The following IL1R1 variants were observed in gnomAD, a reference collection of about 807,000 sequenced individuals.
IL1R1 encodes interleukin 1 receptor type 1.
In IL1R1, 22 loss-of-function variants were observed where a neutral mutation model predicts 50.2. The ratio of observed to expected loss-of-function variants is 0.44; its 90% confidence interval spans 0.31 to 0.63. IL1R1 has a LOEUF of 0.63. Among genes scored for constraint, IL1R1 ranks in the 20% least tolerant of loss-of-function variants. IL1R1 has a pLI of 0.07. For missense variants in IL1R1, 509 were observed against 676.2 expected (o/e 0.75, Z 2.74); for synonymous variants, 251 against 236.7 (o/e 1.06, Z -0.55).
intron 9 of IL1R1, 36 bp from the exon 10 acceptor site, chr2:102,174,551 A>G (rs1336516903): frequency 4.7e-6 from 7 of 1,498,774 alleles, no homozygotes; most frequent in Non-Finnish European, 6.3e-6. Context: ...TTTTGGTTCT[A>G]ATATTTTTTC....
chr2:102,162,738 T>G (rs1239644541), intron 3 of IL1R1, among the ~76,000 whole-genome samples: 1 of 152,110 alleles, frequency 6.6e-6, no homozygotes, highest in African/African-American at 2.4e-5. Flanking sequence ...ATATGTTACT[T>G]CTTTATTTGT....
At chr2:102,165,394 T>C (rs1427292364) in intron 5 of IL1R1, 90 bp downstream of exon 5, 2 of 630,428 alleles carry the variant, frequency 3.2e-6, no homozygotes, top group Non-Finnish European at 5.0e-6. Flanking sequence ...TACCTTTTTA[T>C]TTTGTATATT....
chr2:102,133,223 G>A (rs6707100), intron 1 of IL1R1, among the ~76,000 whole-genome samples: 56,567 of 142,110 alleles, frequency 0.4, 12,173 homozygotes, highest in African/African-American at 0.61. Flanking sequence ...CAGCCTGGGC[G>A]ACAGAGCAAG....
chr2:102,158,308 G>A (rs537491813), intron 3 of IL1R1, among the ~76,000 whole-genome samples: 1 of 152,168 alleles, frequency 6.6e-6, no homozygotes, highest in Non-Finnish European at 1.5e-5. Context: ...CCTGCATAGG[G>A]TTTATATTCT....
chr2:102,103,121 C>G (rs1268716996), upstream of IL1R1, among the ~76,000 whole-genome samples: 4 of 152,170 alleles, frequency 2.6e-5, 1 homozygote, highest in South Asian at 8.3e-4. Context: ...TATAACAGAC[C>G]TGCACAAGTA....
intron 1 of IL1R1, among the ~76,000 whole-genome samples, chr2:102,127,874 G>GA (rs2104408585): frequency 1.3e-5 from 2 of 152,090 alleles, no homozygotes; most frequent in African/African-American, 4.8e-5. Flanking sequence ...AAAATGAAGA[G>GA]AAACAAAACC....
chr2:102,160,020 T>C (rs1157674123), intron 3 of IL1R1, among the ~76,000 whole-genome samples: 1 of 152,210 alleles, frequency 6.6e-6, no homozygotes, highest in Non-Finnish European at 1.5e-5. Context: ...GTTGCCTTTA[T>C]GGAGGAATGA....
chr2:102,111,898 C>A (rs1439781201), intron 1 of IL1R1, among the ~76,000 whole-genome samples: 1 of 152,118 alleles, frequency 6.6e-6, no homozygotes, highest in Non-Finnish European at 1.5e-5. Flanking sequence ...GAGAGCTTTC[C>A]TCAGGGCTTC....
At chr2:102,128,925 AGTGTG>A (rs1424852707) in intron 1 of IL1R1, among the ~76,000 whole-genome samples, 1 of 152,154 alleles carries the variant, frequency 6.6e-6, no homozygotes, top group African/African-American at 2.4e-5. Context: ...AGTAGTAGCC[AGTGTG>A]GTGGCTCACT....
intron 1 of IL1R1, among the ~76,000 whole-genome samples, chr2:102,107,255 G>A (rs985041112): frequency 6.6e-6 from 1 of 152,002 alleles, no homozygotes; most frequent in South Asian, 2.1e-4. Flanking sequence ...ATGTCCATCA[G>A]TGATAGACTG....
intron 1 of IL1R1, among the ~76,000 whole-genome samples, chr2:102,122,905 G>C (rs929967486): frequency 2.0e-5 from 3 of 152,254 alleles, no homozygotes; most frequent in Non-Finnish European, 4.4e-5. Context: ...CTTGGGGAGA[G>C]CATGTGAATG....
At chr2:102,168,543 C>T in intron 6 of IL1R1, 55 bp from the exon 7 acceptor site, 2 of 1,395,312 alleles carry the variant, frequency 1.4e-6, no homozygotes, top group South Asian at 2.3e-5. Context: ...GTTGTCGTCA[C>T]TTGAGATTCT....
chr2:102,167,923 T>C (rs1685342300), intron 6 of IL1R1, among the ~76,000 whole-genome samples: 1 of 152,180 alleles, frequency 6.6e-6, no homozygotes, highest in Admixed American at 6.5e-5. Flanking sequence ...ATTTACTATG[T>C]TTCAGGAACT....
chr2:102,104,296 A>G (rs553650616), upstream of IL1R1, among the ~76,000 whole-genome samples: 6 of 152,328 alleles, frequency 3.9e-5, 1 homozygote, highest in African/African-American at 1.4e-4. Context: ...GGAGGTAGGC[A>G]GAGAGGGAAA....
chr2:102,079,454 A>G (rs1006938520), intron 1 of IL1R1, among the ~76,000 whole-genome samples: 5 of 152,178 alleles, frequency 3.3e-5, no homozygotes, highest in African/African-American at 1.2e-4. Flanking sequence ...ATATATTAGC[A>G]ATGAAAAATT....
intron 1 of IL1R1, among the ~76,000 whole-genome samples, chr2:102,077,533 T>A (rs1432718381): frequency 2.0e-5 from 3 of 152,248 alleles, no homozygotes; most frequent in African/African-American, 7.2e-5. Flanking sequence ...TCCTCTAGCA[T>A]CTTGGCCTTA....
chr2:102,163,528 C>T lies in IL1R1; in HGVS notation c.62-1246C>T, dbSNP rs992864900. On this transcript the variant is annotated intron_variant, in intron 3 of 11. Transcript: ENST00000410023. ...ATCCCATCCATTGTTTTTTGTAACT[C>T]AACATTATTGTTTTCATCTCTAAAA... 2.6e-5 allele frequency among the ~76,000 whole-genome samples: 4 copies of T among 151,994 alleles called. No homozygotes were observed. The East Asian group carries it at 5.8e-4, about 22-fold the overall frequency.
intron 5 of IL1R1, 72 bp downstream of exon 5, chr2:102,165,376 C>A: frequency 2.7e-6 from 2 of 730,484 alleles, no homozygotes; most frequent in Non-Finnish European, 4.2e-6. Flanking sequence ...TAGAATGTAT[C>A]TGCAAAGTAC....
chr2:102,175,951 G>T, intron 11 of IL1R1: 1 of 493,028 alleles, frequency 2.0e-6, no homozygotes, highest in Non-Finnish European at 3.6e-6. Flanking sequence ...TGAATAATAA[G>T]TTTTTAAAAT....
Sources: gnomAD v4.1 joint callset for allele counts (sites outside exome capture counted in the v4.1 genomes callset) on GRCh38, gnomAD v4.1.1 for gene constraint, MANE v1.5 for transcripts, NCBI Gene and HGNC (gene_info 2026-07-23, HGNC 2026-07-21) for gene names.